DPP6: variants seen among roughly 807,000 people sequenced by gnomAD.
The protein encoded by DPP6 is A-type potassium channel modulatory protein DPP6.
DPP6 carries 69 observed loss-of-function variants against 122.6 expected under a neutral mutation model. The ratio of observed to expected loss-of-function variants is 0.56; its 90% CI spans 0.46 to 0.69. The LOEUF is 0.69. DPP6 is among the 30% of genes least tolerant of loss of function. The pLI is 0.00. For missense variants in DPP6, 928 were observed against 1,116.9 expected (o/e 0.83, Z 2.41); for synonymous variants, 418 against 433.1 (o/e 0.97, Z 0.43).
chr7:153,999,906 G>A (rs1483876929), intron 1 of DPP6, among the ~76,000 whole-genome samples: 1 of 151,834 alleles, frequency 6.6e-6, no homozygotes, highest in Non-Finnish European at 1.5e-5. Context: ...GTTACAGTGA[G>A]CCAAGATCGC....
At chr7:153,765,146 C>T in the DPP6 span, among the ~76,000 whole-genome samples, 13 of 151,860 alleles carry the variant, frequency 8.6e-5, no homozygotes, top group Middle Eastern at 3.4e-3. Context: ...TGTAAATGTG[C>T]GCTAACCAAT....
At chr7:154,014,666 AAAAAG>A (rs1798315259) in intron 1 of DPP6, among the ~76,000 whole-genome samples, 1 of 151,934 alleles carries the variant, frequency 6.6e-6, no homozygotes, top group African/African-American at 2.4e-5. Context: ...TGTGTCAAAA[AAAAAG>A]AAGAAAGAAA....
chr7:153,760,259 G>T, the DPP6 span, among the ~76,000 whole-genome samples: 1 of 152,034 alleles, frequency 6.6e-6, no homozygotes, highest in East Asian at 1.9e-4. Flanking sequence ...TTCAATTTGG[G>T]TCTTTTTAAT....
the DPP6 span, among the ~76,000 whole-genome samples, chr7:153,757,243 C>T: frequency 1.3e-5 from 2 of 152,166 alleles, no homozygotes; most frequent in African/African-American, 4.8e-5. Context: ...GTGTCTGTAT[C>T]TTCCTTTTTA....
chr7:154,284,009 T>C (rs1444388474), intron 1 of DPP6, among the ~76,000 whole-genome samples: 1 of 152,218 alleles, frequency 6.6e-6, no homozygotes, highest in Non-Finnish European at 1.5e-5. Flanking sequence ...CATTGCCTCA[T>C]GTTGGCCTCA....
intron 1 of DPP6, among the ~76,000 whole-genome samples, chr7:154,078,766 T>C (rs1014705910): frequency 9.9e-5 from 15 of 152,204 alleles, no homozygotes; most frequent in South Asian, 2.1e-4. Flanking sequence ...ATGAAAAGCA[T>C]TGGAATCAAG....
At chr7:154,731,429 C>T (rs563055397) in intron 8 of DPP6, among the ~76,000 whole-genome samples, 34 of 152,204 alleles carry the variant, frequency 2.2e-4, no homozygotes, top group Non-Finnish European at 4.4e-4. Context: ...AGGTGGGCAG[C>T]CATAGAGGCT....
chr7:154,807,137 G>T, intron 16 of DPP6, 25 bp downstream of exon 16: 2 of 1,608,006 alleles, frequency 1.2e-6, no homozygotes, highest in Non-Finnish European at 8.5e-7. Flanking sequence ...CCCCGTCAGG[G>T]CAAAGAGCCC....
intron 3 of DPP6, among the ~76,000 whole-genome samples, chr7:154,501,793 G>C (rs571617649): frequency 6.6e-5 from 10 of 152,216 alleles, no homozygotes; most frequent in Non-Finnish European, 1.2e-4. Flanking sequence ...GCACTGCCTA[G>C]CGGAGCTATA....
At chr7:154,835,250 G>A (rs1479422047) in intron 16 of DPP6, among the ~76,000 whole-genome samples, 3 of 152,116 alleles carry the variant, frequency 2.0e-5, no homozygotes, top group African/African-American at 4.8e-5. Flanking sequence ...AGACAGACAC[G>A]GGAGGCAGAC....
intron 1 of DPP6, among the ~76,000 whole-genome samples, chr7:154,234,312 G>T (rs1563347646): frequency 6.6e-6 from 1 of 152,184 alleles, no homozygotes; most frequent in Non-Finnish European, 1.5e-5. Flanking sequence ...CTTGGGATGT[G>T]GGAGGTAATC....
At chr7:154,480,813 GA>G (rs1281744018) in intron 3 of DPP6, among the ~76,000 whole-genome samples, 4 of 151,576 alleles carry the variant, frequency 2.6e-5, no homozygotes, top group South Asian at 2.1e-4. Context: ...AAATACAAAA[GA>G]AAAAAAATCC....
intron 1 of DPP6, among the ~76,000 whole-genome samples, chr7:154,239,912 A>G (rs1801468949): frequency 6.7e-6 from 1 of 148,610 alleles, no homozygotes; most frequent in South Asian, 2.2e-4. Flanking sequence ...GAATCACTTG[A>G]ACCCAGGAGG....
chr7:154,004,476 G>A (rs867958748), intron 1 of DPP6, among the ~76,000 whole-genome samples: 1 of 151,792 alleles, frequency 6.6e-6, no homozygotes, highest in African/African-American at 2.4e-5. Context: ...AAAGTGTAAA[G>A]TCTTTGGAAA....
chr7:154,829,174 A>G (rs1259059265), intron 16 of DPP6, among the ~76,000 whole-genome samples: 2 of 151,708 alleles, frequency 1.3e-5, no homozygotes, highest in Non-Finnish European at 2.9e-5. Context: ...CTTGAGCTCA[A>G]GAGTTTGAGA....
At chr7:154,158,553 G>T (rs1796813966) in intron 1 of DPP6, among the ~76,000 whole-genome samples, 1 of 151,382 alleles carries the variant, frequency 6.6e-6, no homozygotes, top group African/African-American at 2.4e-5. Flanking sequence ...TGTTCTTTTT[G>T]AATTCTTTTT....
chr7:154,845,315 C>A (rs947080090), intron 16 of DPP6, among the ~76,000 whole-genome samples: 1 of 152,200 alleles, frequency 6.6e-6, no homozygotes, highest in African/African-American at 2.4e-5. Flanking sequence ...AATTGCAACT[C>A]AGTGTGACAC....
At chr7:154,245,947 A>G (rs1232381348) in intron 1 of DPP6, among the ~76,000 whole-genome samples, 1 of 152,180 alleles carries the variant, frequency 6.6e-6, no homozygotes, top group Non-Finnish European at 1.5e-5. Context: ...ATTGACATTT[A>G]CAGATTACTC....
At chr7:154,273,130 C>T (rs1803903994) in intron 1 of DPP6, among the ~76,000 whole-genome samples, 1 of 152,166 alleles carries the variant, frequency 6.6e-6, no homozygotes. Flanking sequence ...CTGCTCAGTG[C>T]CTGTACTTGC....
Sources: allele counts gnomAD v4.1 joint callset (sites outside exome capture counted in the v4.1 genomes callset), GRCh38; gene constraint gnomAD v4.1.1; transcripts MANE v1.5; gene names NCBI Gene and HGNC (gene_info 2026-07-23, HGNC 2026-07-21).